Variants in ZNF407 observed in about 807,000 individuals in gnomAD.
ZNF407 encodes zinc finger protein 407.
ZNF407 carries 17 observed loss-of-function variants against 131.2 expected under a neutral mutation model. That is an observed-to-expected ratio of 0.13 (90% CI 0.09 to 0.19). The LOEUF is 0.19. ZNF407 is among the 10% of genes least tolerant of loss of function. The pLI is 1.00. For missense variants in ZNF407, 2,681 were observed against 2,830.6 expected (o/e 0.95, Z 1.20); for synonymous variants, 1,156 against 1,062.0 (o/e 1.09, Z -1.72).
rs1304320212 is a variant in ZNF407, at chr18:74,640,991, A to G, written c.4688-17A>G. The G allele has an allele frequency of 3.8e-6, 6 of 1,577,264 alleles. No individual in the cohort carries two copies. Among genetic ancestry groups the G allele is most frequent in the Admixed American group, 1.7e-5 (1 of 59,862 alleles). ...ATTATTCAAAATCAAATCATATTTT[A>G]TGTTAAATTTACTCAGGATCAAAAC... On this transcript the variant is annotated splice_polypyrimidine_tract_variant and intron_variant, in intron 2 of 8. Transcript: ENST00000299687.
chr18:75,063,976 G>A lies in ZNF407; in HGVS notation c.6255G>A (p.Gln2085=). The A allele has an allele frequency of 6.2e-7, 1 of 1,613,552 alleles. No homozygotes were observed. The change falls in exon 9 of 9, where the codon CAG becomes CAA. Residue 2085 remains glutamine, a synonymous_variant. Coordinates refer to ENST00000299687, the MANE Select transcript of ZNF407 (RefSeq NM_017757.3). This position sits in a 1 kb window ranked among gnomAD's most constrained non-coding sequence, Gnocchi z 6.6. ...AGAAGATGGTCCAGGGCGTCCTCCA[G>A]TTTGCTGTGTGTGACACGGCCGCGG... ...AFKKMVQGVL[Q]FAVCDTAAAG...
chr18:75,029,079 T>G (rs1408116529), intron 8 of ZNF407, among the ~76,000 whole-genome samples: 1 of 152,240 alleles, frequency 6.6e-6, no homozygotes, highest in African/African-American at 2.4e-5. Flanking sequence ...GAATAAAGAC[T>G]GGCCCTTTTC....
chr18:74,600,739 G>A (rs527767320), intron 1 of ZNF407, among the ~76,000 whole-genome samples: 22 of 152,266 alleles, frequency 1.4e-4, no homozygotes, highest in East Asian at 1.9e-4. Flanking sequence ...ACTTCCAAGC[G>A]TCAAAAGGTA....
At chr18:74,913,096 T>G (rs1026019762) in intron 7 of ZNF407, among the ~76,000 whole-genome samples, 9 of 152,168 alleles carry the variant, frequency 5.9e-5, no homozygotes, top group Non-Finnish European at 1.2e-4. Context: ...AGGCTCAGGC[T>G]CTGAAACATT....
intron 8 of ZNF407, among the ~76,000 whole-genome samples, chr18:74,961,075 G>T (rs1315044951): frequency 6.7e-6 from 1 of 149,986 alleles, no homozygotes; most frequent in African/African-American, 2.5e-5. Context: ...GATAGGAGAA[G>T]GTCCTGAGCG....
At chr18:74,784,293 G>A (rs1456610767) in intron 4 of ZNF407, among the ~76,000 whole-genome samples, 12 of 152,158 alleles carry the variant, frequency 7.9e-5, no homozygotes, top group Admixed American at 7.9e-4. Flanking sequence ...ATAGCAAATA[G>A]TAATAGAAGT....
chr18:74,734,369 C>T (rs1033603068), intron 3 of ZNF407, among the ~76,000 whole-genome samples: 2 of 152,210 alleles, frequency 1.3e-5, no homozygotes, highest in Admixed American at 6.5e-5. Flanking sequence ...TGTTGGGACA[C>T]CTGTGAAAAC....
At position 74,635,020 on chromosome 18, in the gene ZNF407, G is replaced by A. The variant is rs373998779; in HGVS notation, c.4001G>A (p.Ser1334Asn). 5.6e-6 allele frequency: 9 copies of A among 1,614,016 alleles called. No homozygotes were observed. In the South Asian group the frequency reaches 9.9e-5, roughly 18 times the overall value. ...GPASDSTVES[S>N]DVYETIISID... ...GCTTCTGATAGCACAGTTGAAAGTAGTGATGTCTATGAAACTATAATTAGT... is the reference window on the plus strand; with the variant it reads ...GCTTCTGATAGCACAGTTGAAAGTAATGATGTCTATGAAACTATAATTAGT... The change falls in exon 2 of 9, where the codon AGT becomes AAT. Residue 1334 changes from serine (S) to asparagine (N), a missense_variant. Transcript: ENST00000299687. The surrounding 1 kb of genome is among the most constrained non-coding windows in gnomAD (Gnocchi z 4.7).
chr18:74,982,548 A>G (rs1299661903), intron 8 of ZNF407, among the ~76,000 whole-genome samples: 2 of 152,236 alleles, frequency 1.3e-5, no homozygotes, highest in African/African-American at 4.8e-5. Flanking sequence ...CTCAGACTTT[A>G]TTACTGAGTT....
chr18:74,858,062 C>T (rs1852593992), intron 4 of ZNF407, among the ~76,000 whole-genome samples: 1 of 142,600 alleles, frequency 7.0e-6, no homozygotes, highest in Non-Finnish European at 1.5e-5. Flanking sequence ...TCCCTTCCTT[C>T]CTTCATTTCC....
At chr18:74,864,678 T>C (rs1253336006) in intron 4 of ZNF407, among the ~76,000 whole-genome samples, 1 of 152,202 alleles carries the variant, frequency 6.6e-6, no homozygotes, top group African/African-American at 2.4e-5. Context: ...CCTTGCATTA[T>C]TTCGAATTAT....
At chr18:74,665,442 C>T (rs187064702) in intron 3 of ZNF407, among the ~76,000 whole-genome samples, 4 of 152,268 alleles carry the variant, frequency 2.6e-5, no homozygotes, top group Non-Finnish European at 4.4e-5. Flanking sequence ...CACCTTCCTC[C>T]CTTAAAAGAG....
intron 3 of ZNF407, among the ~76,000 whole-genome samples, chr18:74,684,724 T>C (rs1967059198): frequency 6.6e-6 from 1 of 152,210 alleles, no homozygotes; most frequent in African/African-American, 2.4e-5. Context: ...GAAGCTTCTG[T>C]GAATGGCAAA....
At chr18:74,715,387 G>A (rs865922283) in intron 3 of ZNF407, among the ~76,000 whole-genome samples, 1 of 152,216 alleles carries the variant, frequency 6.6e-6, no homozygotes, top group Non-Finnish European at 1.5e-5. Flanking sequence ...CTGGCATATT[G>A]TGGCGAAAGG....
Position 74,904,316 on chromosome 18 carries a change from C to T in ZNF407, c.5249+14278C>T, listed in dbSNP as rs567222302. On this transcript the variant is annotated intron_variant, in intron 7 of 8. Coordinates refer to ENST00000299687, the MANE Select transcript of ZNF407 (RefSeq NM_017757.3). ...TGTTTCTCACGCACTTTCTCTTCTCCTTCTTTATACCAGCAATGTATCAGT... is the reference window on the plus strand; with the variant it reads ...TGTTTCTCACGCACTTTCTCTTCTCTTTCTTTATACCAGCAATGTATCAGT... Among the ~76,000 whole-genome samples, 7 of 152,324 alleles carry T rather than the reference C, an allele frequency of 4.6e-5. No individual in the cohort carries two copies. The East Asian group carries it at 1.3e-3, about 29-fold the overall frequency.
At chr18:74,920,197 C>G (rs191082522) in intron 7 of ZNF407, among the ~76,000 whole-genome samples, 8 of 152,150 alleles carry the variant, frequency 5.3e-5, no homozygotes, top group African/African-American at 1.4e-4. Flanking sequence ...TAGGTGTGTT[C>G]TCAGGGATCA....
At chr18:74,970,306 A>G (rs1332541618) in intron 8 of ZNF407, among the ~76,000 whole-genome samples, 1 of 152,018 alleles carries the variant, frequency 6.6e-6, no homozygotes, top group Non-Finnish European at 1.5e-5. Flanking sequence ...TTCAAAACCA[A>G]TCATGCCTTC....
chr18:74,600,631 G>A (rs1180215523), intron 1 of ZNF407, among the ~76,000 whole-genome samples: 2 of 152,172 alleles, frequency 1.3e-5, no homozygotes, highest in Non-Finnish European at 2.9e-5. Flanking sequence ...AAAGAGGTTA[G>A]GGAGGAATAC....
intron 7 of ZNF407, among the ~76,000 whole-genome samples, chr18:74,902,430 A>C (rs908880464): frequency 1.3e-5 from 2 of 152,208 alleles, no homozygotes; most frequent in Non-Finnish European, 2.9e-5. Context: ...AAATGGGAAA[A>C]TGTCTTCCGG....
Sources: allele counts gnomAD v4.1 joint callset (sites outside exome capture counted in the v4.1 genomes callset), GRCh38; gene constraint gnomAD v4.1.1; non-coding constraint Gnocchi (gnomAD v3.1); transcripts MANE v1.5; gene names NCBI Gene and HGNC (gene_info 2026-07-23, HGNC 2026-07-21).